Variants in CSMD3 observed in about 807,000 individuals in gnomAD.
CSMD3 encodes CUB and sushi domain-containing protein 3.
A neutral mutation model predicts 435.2 loss-of-function variants in CSMD3; 177 were observed. The observed-to-expected ratio is 0.41, with a 90% CI of 0.36 to 0.46. The LOEUF (loss-of-function observed/expected upper bound fraction) is 0.46, where lower values mean the gene tolerates loss of function less well. CSMD3 is among the 20% of genes least tolerant of loss of function. CSMD3 has a pLI of 0.34. For missense variants in CSMD3, 4,265 were observed against 4,504.6 expected, an observed-to-expected ratio of 0.95 and a Z score of 1.52; for synonymous variants, 1,656 against 1,520.5, an observed-to-expected ratio of 1.09 and a Z score of -2.07.
intron 4 of CSMD3, among the ~76,000 whole-genome samples, chr8:113,112,222 G>T (rs1335079803): frequency 1.3e-5 from 2 of 150,888 alleles, no homozygotes; most frequent in South Asian, 2.1e-4. Context: ...ATATTCCATG[G>T]TATGTATGTG....
intron 65 of CSMD3, among the ~76,000 whole-genome samples, chr8:112,242,437 C>A (rs547109825): frequency 6.6e-6 from 1 of 152,118 alleles, no homozygotes; most frequent in Admixed American, 6.6e-5. Flanking sequence ...GGCTGCAAAA[C>A]CAAGAAAACT....
At chr8:112,949,330 C>T (rs575120809) in intron 8 of CSMD3, among the ~76,000 whole-genome samples, 1 of 152,142 alleles carries the variant, frequency 6.6e-6, no homozygotes, top group Non-Finnish European at 1.5e-5. Context: ...AACTGTATTA[C>T]AGCTCACTAA....
chr8:112,574,347 A>C (rs1468102738), intron 23 of CSMD3, among the ~76,000 whole-genome samples: 3 of 151,784 alleles, frequency 2.0e-5, no homozygotes, highest in Admixed American at 2.0e-4. Context: ...ATGTATGGTG[A>C]CTCCATCATA....
At chr8:112,900,438 C>T (rs2130432010) in intron 10 of CSMD3, among the ~76,000 whole-genome samples, 1 of 151,278 alleles carries the variant, frequency 6.6e-6, no homozygotes, top group East Asian at 2.0e-4. Context: ...TTTGAGTCCT[C>T]TAAGCTCAGT....
At chr8:112,846,624 G>A (rs1033271099) in intron 11 of CSMD3, among the ~76,000 whole-genome samples, 5 of 151,750 alleles carry the variant, frequency 3.3e-5, no homozygotes, top group African/African-American at 1.2e-4. Context: ...TGCTCAGGAT[G>A]GTCTCAAATT....
At chr8:113,133,981 T>A (rs920119186) in intron 4 of CSMD3, among the ~76,000 whole-genome samples, 3 of 152,064 alleles carry the variant, frequency 2.0e-5, no homozygotes. Flanking sequence ...TTCATAACAA[T>A]GTGAATGTAC....
At chr8:112,679,509 T>A (rs1341667038) in intron 16 of CSMD3, among the ~76,000 whole-genome samples, 1 of 152,212 alleles carries the variant, frequency 6.6e-6, no homozygotes, top group Non-Finnish European at 1.5e-5. Flanking sequence ...ATAAGGGTTC[T>A]CTTAGGGATG....
At chr8:112,439,255 C>T (rs1003017208) in intron 32 of CSMD3, among the ~76,000 whole-genome samples, 3 of 152,110 alleles carry the variant, frequency 2.0e-5, no homozygotes, top group Non-Finnish European at 2.9e-5. Context: ...ATTCTCCTGC[C>T]TCACCCTCCC....
At position 112,630,480 on chromosome 8, in the gene CSMD3, A is replaced by G. The variant is rs190468091; in HGVS notation, c.3715+6337T>C. Among the ~76,000 whole-genome samples the G allele has an allele frequency of 6.6e-5, 10 of 152,238 alleles. No individual in the cohort carries two copies. The East Asian group carries it at 1.9e-3, about 29-fold the overall frequency. On this transcript the variant is annotated intron_variant, in intron 22 of 70. Coordinates refer to ENST00000297405, the MANE Select transcript of CSMD3 (RefSeq NM_198123.2). ...ATATCTTCTTAAATGGTTTGTATAA[A>G]GGGTATGTGAAGTGAAATATTTACA...
intron 3 of CSMD3, among the ~76,000 whole-genome samples, chr8:113,268,650 A>G (rs2093492760): frequency 2.0e-5 from 3 of 152,100 alleles, no homozygotes; most frequent in Admixed American, 2.0e-4. Flanking sequence ...CAACTTCCAC[A>G]GTTTTAAAGT....
chr8:113,020,135 A>T (rs1228312304), intron 5 of CSMD3, among the ~76,000 whole-genome samples: 1 of 141,600 alleles, frequency 7.1e-6, no homozygotes, highest in Non-Finnish European at 1.5e-5. Context: ...TGCAGTCCGC[A>T]GTCCGGCCTG....
chr8:112,593,725 G>A (rs1273088014), intron 22 of CSMD3, among the ~76,000 whole-genome samples: 1 of 152,118 alleles, frequency 6.6e-6, no homozygotes, highest in Admixed American at 6.5e-5. Flanking sequence ...GTAGTATCAT[G>A]GAATAGTAAA....
chr8:112,870,421 A>C (rs992652536), intron 10 of CSMD3, among the ~76,000 whole-genome samples: 1 of 151,244 alleles, frequency 6.6e-6, no homozygotes, highest in Non-Finnish European at 1.5e-5. Context: ...GGTGCCTGCC[A>C]CCACATCCGG....
At chr8:112,544,301 A>T (rs1826954917) in intron 27 of CSMD3, among the ~76,000 whole-genome samples, 1 of 152,180 alleles carries the variant, frequency 6.6e-6, no homozygotes, top group Non-Finnish European at 1.5e-5. Context: ...TGATTAACAC[A>T]TATTTAATAT....
intron 5 of CSMD3, among the ~76,000 whole-genome samples, chr8:113,075,738 GA>G (rs2089308773): frequency 1.3e-5 from 2 of 151,508 alleles, no homozygotes. Flanking sequence ...AATATTATTA[GA>G]ACACTTCAGA....
intron 32 of CSMD3, among the ~76,000 whole-genome samples, chr8:112,441,321 G>A (rs913061751): frequency 8.5e-5 from 13 of 152,072 alleles, no homozygotes; most frequent in Non-Finnish European, 1.5e-4. Flanking sequence ...CACTGTCAGC[G>A]TTTTGGTCAA....
chr8:112,698,883 C>T (rs1295559449), intron 13 of CSMD3, among the ~76,000 whole-genome samples: 1 of 152,084 alleles, frequency 6.6e-6, no homozygotes, highest in African/African-American at 2.4e-5. Context: ...TGCTGTGTGT[C>T]TCGCTAAAGG....
intron 22 of CSMD3, among the ~76,000 whole-genome samples, chr8:112,608,876 C>T (rs1047388035): frequency 4.0e-5 from 6 of 151,812 alleles, no homozygotes; most frequent in Non-Finnish European, 7.4e-5. Flanking sequence ...AATCATGAGA[C>T]CTGAAACCTT....
intron 2 of CSMD3, among the ~76,000 whole-genome samples, chr8:113,305,226 C>T (rs562706917): frequency 1.3e-5 from 2 of 151,824 alleles, no homozygotes; most frequent in South Asian, 2.1e-4. Flanking sequence ...GGGTGCAGCG[C>T]ACCAGCGTGG....
Sources: allele counts gnomAD v4.1 joint callset (sites outside exome capture counted in the v4.1 genomes callset), GRCh38; gene constraint gnomAD v4.1.1; transcripts MANE v1.5; gene names NCBI Gene and HGNC (gene_info 2026-07-23, HGNC 2026-07-21).